Variants in EVI5L observed in about 807,000 individuals in gnomAD.
EVI5L encodes the protein EVI5-like protein.
Under a neutral mutation model 106.1 loss-of-function variants are expected in EVI5L, and 30 were observed. The observed-to-expected ratio is 0.28, with a 90% CI of 0.21 to 0.38. The LOEUF (loss-of-function observed/expected upper bound fraction) is 0.38, where lower values mean the gene tolerates loss of function less well. Among genes scored for constraint, EVI5L ranks in the 10% least tolerant of loss-of-function variants. EVI5L has a pLI of 1.00. For missense variants in EVI5L, 809 were observed against 1,098.0 expected, an observed-to-expected ratio of 0.74 and a Z score of 3.72; for synonymous variants, 489 against 483.3, an observed-to-expected ratio of 1.01 and a Z score of -0.15.
intron 6 of EVI5L, 28 bp from the exon 7 acceptor site, chr19:7,851,404 CTG>C (rs775201896): frequency 6.3e-7 from 1 of 1,598,918 alleles, no homozygotes. Context: ...GTCCCCCTCA[CTG>C]TGCCCACCCG....
In EVI5L at chr19:7,863,083, G is replaced by A. The variant is rs1452144966; in HGVS notation, c.2043+16G>A. Reference sequence around the variant, plus strand: ...GGAGATCCAGGTGATCGGCGGGGCCGGGGTCGGGGGGCGGGGGCGGGGGCA... The same window carrying A: ...GGAGATCCAGGTGATCGGCGGGGCCAGGGTCGGGGGGCGGGGGCGGGGGCA... On this transcript the variant is annotated intron_variant, in intron 18 of 19. Transcript: ENST00000538904. This position sits in a 1 kb window ranked among gnomAD's most constrained non-coding sequence, Gnocchi z 7.7. 2.3e-6 allele frequency: 3 copies of A among 1,309,852 alleles called. No homozygotes were observed. The highest frequency in any genetic ancestry group is 2.6e-5 in the East Asian group (1 of 38,272). 81.1% of individuals were successfully genotyped at this position (1,309,852 alleles called of 1,614,324 possible). A position where few individuals can be genotyped will look rare whatever the true frequency, so the allele number is the denominator to read the frequency against.
chr19:7,860,497 G>C, intron 13 of EVI5L, 64 bp from the exon 14 acceptor site: 1 of 1,445,896 alleles, frequency 6.9e-7, no homozygotes, highest in Admixed American at 2.1e-5. Flanking sequence ...AAGCCAGCAG[G>C]CATGGAGGCT....
In EVI5L at chr19:7,846,481, G is replaced by A. The variant is rs1978954759; in HGVS notation, c.-47-15G>A. On this transcript the variant is annotated splice_polypyrimidine_tract_variant and intron_variant, in intron 1 of 19. Transcript: ENST00000538904. ...CTCCCACCCAATGCCGACCACGCAT[G>A]TCTCTGGCCCCCAGACAGAGCTGTG... The A allele has an allele frequency of 1.3e-6, 2 of 1,537,590 alleles. No homozygotes were observed. Among genetic ancestry groups the A allele is most frequent in the South Asian group, 2.5e-5 (2 of 81,316 alleles).
chr19:7,861,729 C>G, intron 14 of EVI5L, 149 bp from the exon 15 acceptor site: 2 of 1,052,532 alleles, frequency 1.9e-6, no homozygotes, highest in South Asian at 1.7e-5. Flanking sequence ...GAGTCCGCTC[C>G]CCGTGGGCCT....
In EVI5L at chr19:7,863,209, C is replaced by A. The variant is rs1979936213; in HGVS notation, c.2068C>A (p.Gln690Lys). The A allele has an allele frequency of 4.5e-6, 7 of 1,560,124 alleles. No individual in the cohort carries two copies. The highest frequency in any genetic ancestry group is 1.4e-5 in the African/African-American group (1 of 74,006). Residue 690 changes from glutamine to lysine, a missense_variant, in exon 19 of 20, where the codon CAG becomes AAG. This residue lies in a region of EVI5L where 452 missense variants were observed against 509.9 expected (regional missense o/e 0.89). Transcript: ENST00000538904. The surrounding 1 kb of genome is among the most constrained non-coding windows in gnomAD (Gnocchi z 7.7). Reference protein sequence around the residue: ...IQREEGRIQGQLNHSDSSQYI... With the variant: ...IQREEGRIQGKLNHSDSSQYI... ...GAGGGAGGAAGGCCGCATCCAGGGC[C>A]AGCTGAACCACTCGGACTCATCGCA...
chr19:7,849,373 C>A, intron 5 of EVI5L, 43 bp downstream of exon 5: 2 of 1,606,292 alleles, frequency 1.2e-6, no homozygotes, highest in Non-Finnish European at 8.5e-7. Context: ...AGACAACAGC[C>A]CACCCTGGGC....
chr19:7,856,860 C>G lies in EVI5L; in HGVS notation c.1201-232C>G, dbSNP rs557784494. On this transcript the variant is annotated intron_variant, in intron 11 of 19. Coordinates refer to ENST00000538904, the MANE Select transcript of EVI5L (RefSeq NM_001159944.3). This position sits in a 1 kb window ranked among gnomAD's most constrained non-coding sequence, Gnocchi z 6.6. ...GCCTCCCCCACAGCCGCGGGCACCC[C>G]CGACCTCCCCGCTCACACCGAACCC... is the stretch of plus-strand genomic sequence containing the variant. The G allele has an allele frequency of 1.4e-6, 1 of 691,334 alleles. No homozygotes were observed. The highest frequency in any genetic ancestry group is 1.7e-5 in the African/African-American group (1 of 57,166). 42.8% of individuals were successfully genotyped at this position (691,334 alleles called of 1,614,324 possible).
In EVI5L at chr19:7,857,276, A is replaced by G. The variant is rs1979574031; in HGVS notation, c.1233+152A>G. ...GCTGGGGACCGCTTCTGGGGGACAC[A>G]GAGGCTTCCCGGGGGGGCGGGGCAT... On this transcript the variant is annotated intron_variant, in intron 12 of 19. Transcript: ENST00000538904. This position sits in a 1 kb window ranked among gnomAD's most constrained non-coding sequence, Gnocchi z 4.5. The G allele has an allele frequency of 9.6e-7, 1 of 1,037,130 alleles. No homozygotes were observed. Among genetic ancestry groups the G allele is most frequent in the Non-Finnish European group, 1.4e-6 (1 of 691,312 alleles). 64.2% of individuals were successfully genotyped at this position (1,037,130 alleles called of 1,614,324 possible).
rs777891358 is a variant in EVI5L, at chr19:7,863,609, C to T, written c.2325C>T (p.Arg775=). The change falls in exon 20 of 20, where the codon CGC becomes CGT. Residue 775 remains arginine (R), a synonymous_variant. Transcript: ENST00000538904. This position sits in a 1 kb window ranked among gnomAD's most constrained non-coding sequence, Gnocchi z 7.7. ...PLSPRDARFF[R]RLERPAKDSE... Reference sequence around the variant, plus strand: ...CCCCGCGCGATGCGCGCTTCTTCCGCCGTCTGGAGCGGCCGGCCAAGGACA... The same window carrying T: ...CCCCGCGCGATGCGCGCTTCTTCCGTCGTCTGGAGCGGCCGGCCAAGGACA... 2 of 1,569,284 alleles carry T rather than the reference C, an allele frequency of 1.3e-6. No individual in the cohort carries two copies. The highest frequency in any genetic ancestry group is 1.4e-5 in the African/African-American group (1 of 73,730).
rs1979121240 is a variant in EVI5L, at chr19:7,849,335, G to A, written c.627+5G>A. The stretch of plus-strand genomic sequence containing the variant: ...GTGGGCCTGCTCCTCATGCAGGTAG[G>A]TGGCTGGGGGGTGGCTGGGCTCCTG... On this transcript the variant is annotated splice_donor_5th_base_variant and intron_variant, in intron 5 of 19. Coordinates refer to ENST00000538904, the MANE Select transcript of EVI5L (RefSeq NM_001159944.3). 1.9e-6 allele frequency: 3 copies of A among 1,613,800 alleles called. No individual in the cohort carries two copies. Among genetic ancestry groups the A allele is most frequent in the Non-Finnish European group, 2.5e-6 (3 of 1,180,006 alleles).
rs1460925790 is a variant in EVI5L at position 7,846,694 on chromosome 19, G to A, written c.137+15G>A. 1.2e-6 allele frequency: 2 copies of A among 1,605,432 alleles called. No homozygotes were observed. Among genetic ancestry groups the A allele is most frequent in the Non-Finnish European group, 1.7e-6 (2 of 1,175,330 alleles). On this transcript the variant is annotated intron_variant, in intron 2 of 19. Coordinates refer to ENST00000538904, the MANE Select transcript of EVI5L (RefSeq NM_001159944.3). ...GAGCAGAACCGGTGAGTTGGGGGCTGGGGGATGGGGTGAAATCTTGGGGTG... is the reference window on the plus strand; with the variant it reads ...GAGCAGAACCGGTGAGTTGGGGGCTAGGGGATGGGGTGAAATCTTGGGGTG...
intron 17 of EVI5L, 32 bp from the exon 18 acceptor site, chr19:7,862,940 G>T (rs1351381907): frequency 7.2e-6 from 5 of 698,604 alleles, no homozygotes; most frequent in Non-Finnish European, 1.2e-5. Flanking sequence ...CCCCTGACCC[G>T]CCCTCCTTTC....
intron 14 of EVI5L, among the ~76,000 whole-genome samples, 185 bp downstream of exon 14, chr19:7,860,874 C>G (rs1044832732): frequency 2.0e-5 from 3 of 152,168 alleles, no homozygotes; most frequent in Non-Finnish European, 4.4e-5. Flanking sequence ...GAGGCAAACT[C>G]CAGCAGCGTG....
intron 5 of EVI5L, 91 bp from the exon 6 acceptor site, chr19:7,849,906 T>G: frequency 9.7e-7 from 1 of 1,030,136 alleles, no homozygotes; most frequent in Non-Finnish European, 1.4e-6. Context: ...GACATGGACA[T>G]GGGCCCCTGT....
At position 7,850,328 on chromosome 19, in the gene EVI5L, G is replaced by A. The variant is rs1477239565; in HGVS notation, c.753+206G>A. On this transcript the variant is annotated intron_variant, in intron 6 of 19. Transcript: ENST00000538904. This position sits in a 1 kb window ranked among gnomAD's most constrained non-coding sequence, Gnocchi z 5.4. ...TCCTCTTTCCATGCAGCACTGCCCT[G>A]AAGGATGCTTGGAGGAACAGGAGAG... Among the ~76,000 whole-genome samples, 1 of 152,166 alleles carries A rather than the reference G, an allele frequency of 6.6e-6. No homozygotes were observed. The highest frequency in any genetic ancestry group is 2.4e-5 in the African/African-American group (1 of 41,424).
At chr19:7,859,705 C>G (rs1979707233) in intron 13 of EVI5L, among the ~76,000 whole-genome samples, 1 of 152,248 alleles carries the variant, frequency 6.6e-6, no homozygotes, top group African/African-American at 2.4e-5. Context: ...TAGAGAGACT[C>G]CACCAGCCAC....
intron 1 of EVI5L, among the ~76,000 whole-genome samples, chr19:7,830,748 C>T: frequency 7.6e-6 from 1 of 132,328 alleles, no homozygotes; most frequent in South Asian, 2.7e-4. Flanking sequence ...CCCTCAGAAG[C>T]GCCCCCCAAG....
rs908080658 is a variant in EVI5L, at chr19:7,845,108, T to C, written c.-47-1388T>C. 5.3e-5 allele frequency among the ~76,000 whole-genome samples: 8 copies of C among 152,094 alleles called. No individual in the cohort carries two copies. The East Asian group carries it at 1.3e-3, about 26-fold the overall frequency. ...TCCAAGGACCCAGCGAGGCCCTCTC[T>C]GTAGGTGGAGCTGTCAGCCAGGTCA... On this transcript the variant is annotated intron_variant, in intron 1 of 19. Transcript: ENST00000538904. The surrounding 1 kb of genome is among the most constrained non-coding windows in gnomAD (Gnocchi z 4.0).
intron 1 of EVI5L, among the ~76,000 whole-genome samples, chr19:7,832,210 C>G (rs1365850549): frequency 6.6e-6 from 1 of 152,104 alleles, no homozygotes; most frequent in Non-Finnish European, 1.5e-5. Context: ...TGGAAGGGAT[C>G]GCAGGTGGCT....
Sources: allele counts gnomAD v4.1 joint callset (sites outside exome capture counted in the v4.1 genomes callset), GRCh38; gene constraint gnomAD v4.1.1; regional missense constraint gnomAD v4.1.1; non-coding constraint Gnocchi (gnomAD v3.1); transcripts MANE v1.5; gene names NCBI Gene and HGNC (gene_info 2026-07-23, HGNC 2026-07-21).